Variants in ELAVL2 observed in about 807,000 individuals in gnomAD.
The protein encoded by ELAVL2 is ELAV-like protein 2.
Under a neutral mutation model 34.6 loss-of-function variants are expected in ELAVL2, and 4 were observed. That is an observed-to-expected ratio of 0.12 (90% CI 0.06 to 0.26). The LOEUF (loss-of-function observed/expected upper bound fraction) is 0.26. Ranked by LOEUF, ELAVL2 falls within the 10% of genes least tolerant of loss-of-function variation. ELAVL2 has a pLI of 1.00. For synonymous variants in ELAVL2, 193 were observed against 154.8 expected, an observed-to-expected ratio of 1.25 and a Z score of -1.83; for missense variants, 432 against 442.8, an observed-to-expected ratio of 0.98 and a Z score of 0.22.
At chr9:23,708,161 T>A (rs1000161468) in intron 3 of ELAVL2, among the ~76,000 whole-genome samples, 2 of 152,138 alleles carry the variant, frequency 1.3e-5, no homozygotes, top group African/African-American at 4.8e-5. Flanking sequence ...AGTGACATTG[T>A]CAAAGAACCA....
intron 1 of ELAVL2, among the ~76,000 whole-genome samples, chr9:23,795,380 C>A (rs2060795474): frequency 6.6e-6 from 1 of 151,904 alleles, no homozygotes; most frequent in Non-Finnish European, 1.5e-5. Flanking sequence ...CCCATCTCTA[C>A]TAAAAATACA....
intron 3 of ELAVL2, among the ~76,000 whole-genome samples, chr9:23,705,639 G>A (rs1376167731): frequency 6.6e-6 from 1 of 152,160 alleles, no homozygotes; most frequent in Admixed American, 6.5e-5. Flanking sequence ...GGTGGGGGAT[G>A]CATTAGATTC....
chr9:23,764,933 G>A, intron 1 of ELAVL2: 2 of 1,371,640 alleles, frequency 1.5e-6, no homozygotes. Flanking sequence ...AGATTCAAGT[G>A]TTTGGTATGG....
chr9:23,777,122 G>A (rs1188999249), intron 1 of ELAVL2, among the ~76,000 whole-genome samples: 1 of 152,180 alleles, frequency 6.6e-6, no homozygotes, highest in Non-Finnish European at 1.5e-5. Context: ...GTCTTTAACT[G>A]TTGATAAAAC....
chr9:23,727,954 A>C (rs909529775), intron 3 of ELAVL2, among the ~76,000 whole-genome samples: 27 of 152,254 alleles, frequency 1.8e-4, no homozygotes, highest in African/African-American at 6.3e-4. Context: ...CTAAATTCTA[A>C]GTGGCTTGGA....
intron 1 of ELAVL2, among the ~76,000 whole-genome samples, chr9:23,770,562 T>C (rs1261971562): frequency 6.6e-6 from 1 of 152,078 alleles, no homozygotes; most frequent in Admixed American, 6.5e-5. Context: ...GGTGAGACTG[T>C]CAGGGTGATG....
the ELAVL2 span, among the ~76,000 whole-genome samples, chr9:23,841,802 A>G: frequency 2.6e-5 from 4 of 152,212 alleles, no homozygotes; most frequent in Admixed American, 6.5e-5. Flanking sequence ...ATCTATGAAC[A>G]CTGGAAAATT....
At chr9:23,803,929 T>C (rs993486973) in intron 1 of ELAVL2, among the ~76,000 whole-genome samples, 1 of 152,146 alleles carries the variant, frequency 6.6e-6, no homozygotes, top group Non-Finnish European at 1.5e-5. Flanking sequence ...ATCCACATCC[T>C]AGTGTTTCTG....
In ELAVL2 at chr9:23,731,095, T is replaced by C. The variant is rs2046414444; in HGVS notation, c.260A>G (p.Tyr87Cys). Residue 87 changes from tyrosine to cysteine, a missense_variant, in exon 3 of 7, where the codon TAC becomes TGC. Tyr to Cys is a radical substitution (Grantham distance 194, BLOSUM62 -2). Transcript: ENST00000397312. The part of the protein sequence containing the change: ...GQSLGYGFVN[Y>C]IDPKDAEKAI... ...TTTCTCTGCATCCTTGGGGTCAATG[T>C]AGTTCACAAAGCCATATCCCAAGCT... 1.9e-6 allele frequency: 3 copies of C among 1,613,042 alleles called. No individual in the cohort carries two copies. Among genetic ancestry groups the C allele is most frequent in the African/African-American group, 1.3e-5 (1 of 74,870 alleles).
intron 1 of ELAVL2, among the ~76,000 whole-genome samples, chr9:23,786,691 G>A (rs759366085): frequency 6.6e-6 from 1 of 150,522 alleles, no homozygotes; most frequent in African/African-American, 2.4e-5. Flanking sequence ...ATAGGACCAG[G>A]AGCCTGTTAA....
chr9:23,832,630 T>C, the ELAVL2 span, among the ~76,000 whole-genome samples: 1 of 152,186 alleles, frequency 6.6e-6, no homozygotes, highest in Non-Finnish European at 1.5e-5. Context: ...TATGAGAAGA[T>C]ACATGGCATT....
intron 1 of ELAVL2, among the ~76,000 whole-genome samples, chr9:23,769,001 T>C (rs894667670): frequency 6.6e-6 from 1 of 152,028 alleles, no homozygotes; most frequent in African/African-American, 2.4e-5. Flanking sequence ...AGGTCCAGCC[T>C]AAACAGAGTG....
intron 3 of ELAVL2, among the ~76,000 whole-genome samples, chr9:23,715,017 A>G (rs1453227596): frequency 6.6e-6 from 1 of 152,176 alleles, no homozygotes; most frequent in Non-Finnish European, 1.5e-5. Context: ...CAGTATTACC[A>G]TTCAAAGCTT....
intron 1 of ELAVL2, among the ~76,000 whole-genome samples, chr9:23,790,975 T>G (rs1250241451): frequency 1.3e-5 from 2 of 152,212 alleles, no homozygotes; most frequent in Non-Finnish European, 2.9e-5. Context: ...GTGAAAACAC[T>G]GCCAAGACCC....
chr9:23,768,182 A>G (rs2056677858), intron 1 of ELAVL2, among the ~76,000 whole-genome samples: 1 of 152,192 alleles, frequency 6.6e-6, no homozygotes. Flanking sequence ...ATCCTGTACA[A>G]CTACTTTTAT....
the ELAVL2 span, among the ~76,000 whole-genome samples, chr9:23,848,754 G>A: frequency 2.0e-5 from 3 of 151,930 alleles, no homozygotes; most frequent in Non-Finnish European, 4.4e-5. Context: ...GTAGGCACAT[G>A]CAATTATATC....
intron 1 of ELAVL2, among the ~76,000 whole-genome samples, chr9:23,825,561 C>A (rs1034596586): frequency 1.6e-4 from 25 of 152,136 alleles, no homozygotes; most frequent in Non-Finnish European, 2.5e-4. Context: ...TACCCCTACT[C>A]CCCCCTGGCC....
intron 3 of ELAVL2, among the ~76,000 whole-genome samples, chr9:23,721,940 T>C (rs1587702195): frequency 6.6e-6 from 1 of 152,186 alleles, no homozygotes; most frequent in African/African-American, 2.4e-5. Flanking sequence ...AGTTAGGTTT[T>C]TGAGGAGTCA....
rs568928879 is a variant in ELAVL2, at chr9:23,721,690, C to T, written c.333+9332G>A. On this transcript the variant is annotated intron_variant, in intron 3 of 6. Coordinates refer to ENST00000397312, the MANE Select transcript of ELAVL2 (RefSeq NM_004432.5). ...AATATGGGATTTTAGACCAACCCCT[C>T]CCTCTTCCTCTGCCTACTCAACATA... is the stretch of plus-strand genomic sequence containing the variant. 5.3e-5 allele frequency among the ~76,000 whole-genome samples: 8 copies of T among 152,276 alleles called. No homozygotes were observed. The East Asian group carries it at 1.4e-3, about 26-fold the overall frequency.
Sources: allele counts gnomAD v4.1 joint callset (sites outside exome capture counted in the v4.1 genomes callset), GRCh38; gene constraint gnomAD v4.1.1; transcripts MANE v1.5; gene names NCBI Gene and HGNC (gene_info 2026-07-23, HGNC 2026-07-21).